The following CPLX2 variants were observed in gnomAD, a reference collection of about 807,000 sequenced individuals.
The protein encoded by CPLX2 is complexin 2, also known as complexin-2.
In CPLX2, 5 loss-of-function variants were observed where a neutral mutation model predicts 16.3. That is an observed-to-expected ratio of 0.31 (90% CI 0.16 to 0.64). The LOEUF (loss-of-function observed/expected upper bound fraction) is 0.64, where lower values mean the gene tolerates loss of function less well. Ranked by LOEUF, CPLX2 falls within the 30% of genes least tolerant of loss-of-function variation. The pLI is 0.79. For synonymous variants in CPLX2, 89 were observed against 73.2 expected, an observed-to-expected ratio of 1.22 and a Z score of -1.10; for missense variants, 144 against 181.4, an observed-to-expected ratio of 0.79 and a Z score of 1.18.
At position 175,830,567 on chromosome 5, in the gene CPLX2, T is replaced by C. The variant is rs1758717027; in HGVS notation, c.-89+21499T>C. Reference sequence around the variant, plus strand: ...GCCTCTTCCTCTTTGCCACAGGCCATGCGGCACTAACAAGGACTCTGGTGG... The same window carrying C: ...GCCTCTTCCTCTTTGCCACAGGCCACGCGGCACTAACAAGGACTCTGGTGG... On this transcript the variant is annotated intron_variant, in intron 2 of 4. Coordinates refer to the CPLX2 transcript ENST00000359546. The surrounding 1 kb of genome is among the most constrained non-coding windows in gnomAD (Gnocchi z 4.0). Among the ~76,000 whole-genome samples the C allele has an allele frequency of 6.6e-6, 1 of 152,186 alleles. No individual in the cohort carries two copies. Among genetic ancestry groups the C allele is most frequent in the African/African-American group, 2.4e-5 (1 of 41,454 alleles).
intron 2 of CPLX2, among the ~76,000 whole-genome samples, chr5:175,821,616 C>T (rs938769203): frequency 9.9e-5 from 15 of 152,144 alleles, no homozygotes; most frequent in African/African-American, 3.6e-4. Flanking sequence ...CCATGCTGGC[C>T]ATGCTAGTCA....
At position 175,883,785 on chromosome 5, in the gene CPLX2, C is replaced by G. The variant is rs1410542753; in HGVS notation, c.*3740C>G. ...GTGGGAGCGGGGAGTCCTGGTGAGA[C>G]CCCGGTGAGATGGACCATCCTGCCC... On this transcript the variant is annotated 3_prime_UTR_variant, in exon 4 of 4. Coordinates refer to ENST00000393745, the MANE Select transcript of CPLX2 (RefSeq NM_001008220.2). 6.5e-6 allele frequency: 1 copy of G among 152,758 alleles called. No individual in the cohort carries two copies. The highest frequency in any genetic ancestry group is 1.5e-5 in the Non-Finnish European group (1 of 68,290). The allele number at this position is 152,758 out of a possible 1,614,324, so 9.5% of individuals were successfully genotyped here.
intron 1 of CPLX2, among the ~76,000 whole-genome samples, chr5:175,876,368 T>C (rs534735664): frequency 1.3e-5 from 2 of 151,448 alleles, no homozygotes; most frequent in African/African-American, 2.4e-5. Context: ...GATTAGAAAG[T>C]AAAAAGAGGC....
At chr5:175,879,286 G>C (rs569645260) in intron 3 of CPLX2, among the ~76,000 whole-genome samples, 2 of 152,210 alleles carry the variant, frequency 1.3e-5, no homozygotes, top group African/African-American at 4.8e-5. Flanking sequence ...GAGAATGCGC[G>C]TAGTAGGTAC....
intron 2 of CPLX2, among the ~76,000 whole-genome samples, chr5:175,865,281 G>C (rs1204250377): frequency 6.6e-6 from 1 of 152,162 alleles, no homozygotes; most frequent in African/African-American, 2.4e-5. Flanking sequence ...TTATCAACAA[G>C]CAAGATCTGT....
intron 2 of CPLX2, among the ~76,000 whole-genome samples, chr5:175,816,367 C>T (rs1189086232): frequency 6.6e-6 from 1 of 152,110 alleles, no homozygotes; most frequent in Non-Finnish European, 1.5e-5. Flanking sequence ...GGGGTTTCAC[C>T]GTGTTAGCCA....
rs1028500380 is a variant in CPLX2, at chr5:175,882,415, A to C, written c.*2370A>C. The C allele has an allele frequency of 3.9e-5, 6 of 152,676 alleles. No homozygotes were observed. Among genetic ancestry groups the C allele is most frequent in the African/African-American group, 1.4e-4 (6 of 41,450 alleles). 9.5% of individuals were successfully genotyped at this position (152,676 alleles called of 1,614,324 possible). On this transcript the variant is annotated 3_prime_UTR_variant, in exon 4 of 4. Coordinates refer to ENST00000393745, the MANE Select transcript of CPLX2 (RefSeq NM_001008220.2). Reference sequence around the variant, plus strand: ...TTGACAGGGACCTTCAAACCTCGACAGTGATGCAAGGACACAGAGAGTACC... The same window carrying C: ...TTGACAGGGACCTTCAAACCTCGACCGTGATGCAAGGACACAGAGAGTACC...
chr5:175,867,582 C>T (rs1262602688), upstream of CPLX2, among the ~76,000 whole-genome samples: 2 of 152,124 alleles, frequency 1.3e-5, no homozygotes, highest in South Asian at 2.1e-4. Flanking sequence ...CCAGACAATG[C>T]CATTGACTTA....
chr5:175,824,406 C>T (rs116497802), intron 2 of CPLX2, among the ~76,000 whole-genome samples: 2,398 of 152,286 alleles, frequency 0.016, 65 homozygotes, highest in African/African-American at 0.055. Flanking sequence ...CTTCTTCTAA[C>T]CCCAGAGATA....
intron 2 of CPLX2, among the ~76,000 whole-genome samples, chr5:175,856,763 C>T (rs1252376204): frequency 6.6e-6 from 1 of 152,020 alleles, no homozygotes; most frequent in Non-Finnish European, 1.5e-5. Flanking sequence ...TGTGCAGGGC[C>T]TGCGCACAGC....
rs113246560 is a variant in CPLX2, at chr5:175,863,551, C to T, written c.-88-15101C>T. ...TCAGATAAAGATTATGAATCACCTT[C>T]CCCCATGAGAGGCTCAGTCGATGAA... On this transcript the variant is annotated intron_variant, in intron 2 of 4. Transcript: ENST00000359546. Among the ~76,000 whole-genome samples, 333 of 152,346 alleles carry T rather than the reference C, an allele frequency of 2.2e-3. 2 individuals carry two copies. The highest frequency in any genetic ancestry group is 7.7e-3 in the African/African-American group (322 of 41,572).
chr5:175,858,047 G>A (rs535602942), intron 2 of CPLX2, among the ~76,000 whole-genome samples: 17 of 152,358 alleles, frequency 1.1e-4, no homozygotes, highest in African/African-American at 3.8e-4. Context: ...CTTTGCAAAT[G>A]AGGAAACTTA....
upstream of CPLX2, among the ~76,000 whole-genome samples, chr5:175,868,447 C>G (rs980176334): frequency 6.6e-6 from 1 of 152,148 alleles, no homozygotes; most frequent in Non-Finnish European, 1.5e-5. Context: ...AAATCTGAAC[C>G]CCTCCTCCTG....
chr5:175,823,843 A>G (rs1486154083), intron 2 of CPLX2, among the ~76,000 whole-genome samples: 1 of 152,018 alleles, frequency 6.6e-6, no homozygotes, highest in East Asian at 1.9e-4. Context: ...TCCTCAAACC[A>G]CTCAGCCAGA....
chr5:175,842,692 A>C (rs1379154258), intron 2 of CPLX2, among the ~76,000 whole-genome samples: 1 of 151,852 alleles, frequency 6.6e-6, no homozygotes, highest in African/African-American at 2.4e-5. Context: ...CTTCTCACCC[A>C]CCTGCACTTG....
chr5:175,817,398 C>A (rs4285243), intron 2 of CPLX2, among the ~76,000 whole-genome samples: 1 of 152,242 alleles, frequency 6.6e-6, no homozygotes, highest in Non-Finnish European at 1.5e-5. Context: ...CATCACGTGT[C>A]TAATGCGTAA....
chr5:175,818,222 A>G (rs1002307939), intron 2 of CPLX2, among the ~76,000 whole-genome samples: 12 of 152,108 alleles, frequency 7.9e-5, no homozygotes. Context: ...AGGCAAACAG[A>G]AAGTCGGGAG....
chr5:175,854,708 T>A (rs2113682485), intron 2 of CPLX2, among the ~76,000 whole-genome samples: 1 of 152,236 alleles, frequency 6.6e-6, no homozygotes, highest in African/African-American at 2.4e-5. Context: ...TATACAAAGA[T>A]AAGTAAACAT....
intron 2 of CPLX2, among the ~76,000 whole-genome samples, chr5:175,813,163 T>A (rs917609126): frequency 1.3e-5 from 2 of 152,360 alleles, no homozygotes; most frequent in East Asian, 3.9e-4. Flanking sequence ...GAACATTTAT[T>A]ATTTTAATAG....
Sources: gnomAD v4.1 joint callset for allele counts (sites outside exome capture counted in the v4.1 genomes callset) on GRCh38, gnomAD v4.1.1 for gene constraint, Gnocchi (gnomAD v3.1) non-coding constraint, MANE v1.5 for transcripts, NCBI Gene and HGNC (gene_info 2026-07-23, HGNC 2026-07-21) for gene names.